The following PCDH7 variants were observed in gnomAD, a reference collection of about 807,000 sequenced individuals.
The protein encoded by PCDH7 is protocadherin 7.
In PCDH7, 17 loss-of-function variants were observed where a neutral mutation model predicts 58.9. The ratio of observed to expected loss-of-function variants is 0.29; its 90% CI spans 0.20 to 0.43. PCDH7 has a LOEUF of 0.43. Among genes scored for constraint, PCDH7 ranks in the 20% least tolerant of loss-of-function variants. The pLI is 1.00. For synonymous variants in PCDH7, 664 were observed against 616.4 expected (o/e 1.08, Z -1.14); for missense variants, 1,274 against 1,441.0 (o/e 0.88, Z 1.88).
chr4:30,732,351 G>GTAA (rs1174734123), exon 2 of PCDH7: 2 of 152,106 alleles, frequency 1.3e-5, no homozygotes, highest in Non-Finnish European at 2.9e-5. Flanking sequence ...TTCTTCAAAT[G>GTAA]TAAATCCCGT....
At chr4:30,797,603 T>C (rs1724969272) in intron 1 of PCDH7, among the ~76,000 whole-genome samples, 1 of 152,192 alleles carries the variant, frequency 6.6e-6, no homozygotes, top group South Asian at 2.1e-4. Flanking sequence ...TGAAATACTG[T>C]GTGCATGCTA....
At chr4:30,994,127 C>T (rs549827644) in intron 3 of PCDH7, among the ~76,000 whole-genome samples, 1 of 152,154 alleles carries the variant, frequency 6.6e-6, no homozygotes, top group Non-Finnish European at 1.5e-5. Flanking sequence ...CCTTCAGAAA[C>T]ATTATTGATT....
At chr4:30,835,713 T>C (rs1730410209) in intron 1 of PCDH7, among the ~76,000 whole-genome samples, 1 of 152,200 alleles carries the variant, frequency 6.6e-6, no homozygotes, top group Admixed American at 6.5e-5. Flanking sequence ...ACAGCCATTA[T>C]GTATATTTCA....
At chr4:30,908,408 G>T (rs982245437) in intron 1 of PCDH7, among the ~76,000 whole-genome samples, 1 of 152,128 alleles carries the variant, frequency 6.6e-6, no homozygotes, top group African/African-American at 2.4e-5. Context: ...ACAGAGATAA[G>T]AAATTAGGAT....
intron 3 of PCDH7, among the ~76,000 whole-genome samples, chr4:31,077,750 C>T (rs1422497224): frequency 1.3e-5 from 2 of 152,068 alleles, no homozygotes; most frequent in Non-Finnish European, 2.9e-5. Context: ...TTTTATATGA[C>T]AAGATGACTT....
At chr4:31,080,722 T>A (rs1373111732) in intron 3 of PCDH7, among the ~76,000 whole-genome samples, 1 of 152,180 alleles carries the variant, frequency 6.6e-6, no homozygotes, top group Non-Finnish European at 1.5e-5. Context: ...CCACAAGTCT[T>A]AGCACTAGTA....
chr4:31,105,528 A>G (rs1389994613), intron 3 of PCDH7, among the ~76,000 whole-genome samples: 1 of 152,120 alleles, frequency 6.6e-6, no homozygotes, highest in Non-Finnish European at 1.5e-5. Flanking sequence ...TGCTCTAAAG[A>G]GTCACTTTGC....
chr4:31,071,030 C>G (rs987954436), intron 3 of PCDH7, among the ~76,000 whole-genome samples: 3 of 152,010 alleles, frequency 2.0e-5, no homozygotes, highest in Admixed American at 6.6e-5. Flanking sequence ...TGGAAAAAAG[C>G]TTAATTCTGC....
chr4:31,058,058 T>C (rs1757397426), intron 3 of PCDH7, among the ~76,000 whole-genome samples: 1 of 152,066 alleles, frequency 6.6e-6, no homozygotes, highest in African/African-American at 2.4e-5. Flanking sequence ...ATGAAGTATC[T>C]GCTATAAAAT....
At chr4:30,889,610 T>C (rs1738339049) in intron 1 of PCDH7, among the ~76,000 whole-genome samples, 1 of 152,136 alleles carries the variant, frequency 6.6e-6, no homozygotes. Context: ...CCATCAGAGT[T>C]CTAGAGGCTG....
chr4:30,999,060 GAT>G (rs1247805698), intron 3 of PCDH7, among the ~76,000 whole-genome samples: 1 of 152,082 alleles, frequency 6.6e-6, no homozygotes, highest in East Asian at 1.9e-4. Flanking sequence ...TAGAATATGT[GAT>G]GGAGCAGAAA....
intron 3 of PCDH7, among the ~76,000 whole-genome samples, chr4:30,991,299 A>G (rs1751444115): frequency 6.6e-6 from 1 of 152,178 alleles, no homozygotes; most frequent in Non-Finnish European, 1.5e-5. Flanking sequence ...ATTTTTACCT[A>G]AATGGACAAC....
At chr4:31,022,052 T>G (rs1296338380) in intron 3 of PCDH7, among the ~76,000 whole-genome samples, 1 of 152,152 alleles carries the variant, frequency 6.6e-6, no homozygotes, top group Non-Finnish European at 1.5e-5. Context: ...TTTAAATATG[T>G]GAAATAAAGA....
rs1458033779 is a variant in PCDH7 at position 30,723,294 on chromosome 4, G to A, written c.1872G>A (p.Thr624=). The A allele has an allele frequency of 6.2e-7, 1 of 1,614,198 alleles. No homozygotes were observed. The highest frequency in any genetic ancestry group is 1.7e-5 in the Admixed American group (1 of 60,014). ...TCCCCGTGCTGCAGGGCAGCACTAC[G>A]GTGATTGTGCAGGTGGCTGATAAAA... Residue 624 remains threonine, a synonymous_variant, in exon 1 of 2, where the codon ACG becomes ACA. Transcript: ENST00000361762. The surrounding 1 kb of genome is among the most constrained non-coding windows in gnomAD (Gnocchi z 4.6).
At chr4:30,966,486 T>C (rs781559657) in intron 3 of PCDH7, among the ~76,000 whole-genome samples, 5 of 152,308 alleles carry the variant, frequency 3.3e-5, no homozygotes, top group East Asian at 1.9e-4. Context: ...TACAGAGTAA[T>C]AGCTCTTAAA....
intron 3 of PCDH7, among the ~76,000 whole-genome samples, chr4:31,014,216 A>C (rs1302635290): frequency 6.6e-6 from 1 of 152,278 alleles, no homozygotes; most frequent in Middle Eastern, 3.4e-3. Context: ...AAACAGAAAA[A>C]AAATAGCGTA....
At chr4:30,844,861 A>G (rs887254730) in intron 1 of PCDH7, among the ~76,000 whole-genome samples, 4 of 152,194 alleles carry the variant, frequency 2.6e-5, no homozygotes, top group African/African-American at 9.6e-5. Context: ...TAGCCATGCC[A>G]TCTCTTTTCT....
At chr4:31,008,472 A>T (rs1752949321) in intron 3 of PCDH7, among the ~76,000 whole-genome samples, 1 of 152,218 alleles carries the variant, frequency 6.6e-6, no homozygotes, top group South Asian at 2.1e-4. Flanking sequence ...ATTAATCCTC[A>T]GGATGAATGT....
chr4:31,026,344 G>A (rs1381324481), intron 3 of PCDH7, among the ~76,000 whole-genome samples: 2 of 152,308 alleles, frequency 1.3e-5, no homozygotes, highest in Middle Eastern at 3.4e-3. Flanking sequence ...TGATGTGGAA[G>A]TAGCAAGGAT....
Sources: gnomAD v4.1 joint callset for allele counts (sites outside exome capture counted in the v4.1 genomes callset) on GRCh38, gnomAD v4.1.1 for gene constraint, Gnocchi (gnomAD v3.1) non-coding constraint, MANE v1.5 for transcripts, NCBI Gene and HGNC (gene_info 2026-07-23, HGNC 2026-07-21) for gene names.